NHSL1: variants seen among roughly 807,000 people sequenced by gnomAD.
NHSL1 encodes NHS like 1.
NHSL1 carries 48 observed loss-of-function variants against 95.0 expected under a neutral mutation model. That is an observed-to-expected ratio of 0.51 (90% CI 0.40 to 0.64). NHSL1 has a LOEUF of 0.64. NHSL1 is among the 30% of genes least tolerant of loss of function. The pLI is 0.00. For missense variants in NHSL1, 1,971 were observed against 2,077.7 expected (o/e 0.95, Z 1.00); for synonymous variants, 783 against 833.9 (o/e 0.94, Z 1.05).
At chr6:138,684,211 CAAAA>C (rs34122069) in intron 1 of NHSL1, among the ~76,000 whole-genome samples, 2 of 129,872 alleles carry the variant, frequency 1.5e-5, no homozygotes, top group Admixed American at 7.6e-5. Flanking sequence ...GACTCCCTCT[CAAAA>C]AAAAAAAAAA....
At chr6:138,594,458 T>G (rs1459049746) in intron 1 of NHSL1, among the ~76,000 whole-genome samples, 1 of 152,150 alleles carries the variant, frequency 6.6e-6, no homozygotes, top group Non-Finnish European at 1.5e-5. Context: ...TGACGTGACA[T>G]CGTTGAGTGT....
At chr6:138,578,740 G>C (rs796625427) in intron 1 of NHSL1, among the ~76,000 whole-genome samples, 6 of 151,930 alleles carry the variant, frequency 3.9e-5, no homozygotes, top group African/African-American at 1.4e-4. Context: ...AATCATAGGA[G>C]ATCTTATTGA....
intron 1 of NHSL1, chr6:138,571,415 T>C (rs1157988005): frequency 2.8e-6 from 1 of 350,958 alleles, no homozygotes; most frequent in African/African-American, 2.2e-5. Flanking sequence ...TGGTTTATCA[T>C]TGAACTTTTC....
Position 138,431,104 on chromosome 6 carries a change from C to T in NHSL1, c.3241G>A (p.Val1081Met), listed in dbSNP as rs3734305. Residue 1081 changes from valine to methionine, a missense_variant, in exon 6 of 8, where the codon GTG (valine) becomes ATG (methionine). Val to Met is a conservative substitution (Grantham distance 21). Transcript: ENST00000343505. The surrounding 1 kb of genome is among the most constrained non-coding windows in gnomAD (Gnocchi z 4.0). ...GCCTCAGCGCCTGAGTTCTTTCTCA[C>T]GGGCCTCAACTGCACCATCTGCAAT... ...EALQMVQLRP[V>M]RKNSGAEAAQ... 807 of 1,551,844 alleles carry T rather than the reference C, an allele frequency of 5.2e-4. 2 individuals carry two copies. In the East Asian group the frequency reaches 8.5e-3, roughly 16 times the overall value.
intron 7 of NHSL1, among the ~76,000 whole-genome samples, chr6:138,425,655 C>T (rs947461600): frequency 1.3e-5 from 2 of 152,106 alleles, no homozygotes; most frequent in Non-Finnish European, 2.9e-5. Context: ...ACATGCTGAC[C>T]CTCCTTTCTT....
intron 3 of NHSL1, among the ~76,000 whole-genome samples, chr6:138,450,449 G>A (rs1777155670): frequency 6.6e-6 from 1 of 152,212 alleles, no homozygotes; most frequent in Admixed American, 6.5e-5. Flanking sequence ...AGCTCTCTAT[G>A]CCCTGGAGCA....
intron 2 of NHSL1, among the ~76,000 whole-genome samples, chr6:138,492,272 G>T (rs189715754): frequency 1.1e-4 from 17 of 152,128 alleles, no homozygotes; most frequent in African/African-American, 4.1e-4. Context: ...GCTTTTCTTT[G>T]TTCTCTGACT....
chr6:138,559,458 G>T (rs373963107), intron 1 of NHSL1, among the ~76,000 whole-genome samples: 1 of 152,228 alleles, frequency 6.6e-6, no homozygotes, highest in East Asian at 1.9e-4. Context: ...GGGGAACTCA[G>T]AAAAGGACTT....
intron 1 of NHSL1, among the ~76,000 whole-genome samples, chr6:138,536,314 T>C (rs976749744): frequency 6.6e-6 from 1 of 152,132 alleles, no homozygotes; most frequent in Non-Finnish European, 1.5e-5. Flanking sequence ...GTAAGTCAAA[T>C]AACATACAAA....
intron 1 of NHSL1, among the ~76,000 whole-genome samples, chr6:138,504,745 G>C (rs1202272483): frequency 6.6e-6 from 1 of 152,220 alleles, no homozygotes; most frequent in Non-Finnish European, 1.5e-5. Flanking sequence ...CAAATGACAA[G>C]TAGGTTTGAA....
intron 1 of NHSL1, among the ~76,000 whole-genome samples, chr6:138,670,194 C>A (rs1370459569): frequency 6.6e-6 from 1 of 152,012 alleles, no homozygotes; most frequent in African/African-American, 2.4e-5. Context: ...CCACAACGCT[C>A]CCACCCAGCC....
At chr6:138,519,974 T>C (rs1781608500) in intron 1 of NHSL1, among the ~76,000 whole-genome samples, 1 of 152,222 alleles carries the variant, frequency 6.6e-6, no homozygotes, top group Non-Finnish European at 1.5e-5. Flanking sequence ...CTTTCCCAGC[T>C]GCCTTCAATC....
intron 1 of NHSL1, among the ~76,000 whole-genome samples, chr6:138,681,900 G>A (rs1253308671): frequency 6.6e-6 from 1 of 151,996 alleles, no homozygotes; most frequent in East Asian, 1.9e-4. Context: ...GGGAGTGCAG[G>A]GGAAGTAAAG....
At chr6:138,613,343 T>C (rs1784538773) in intron 1 of NHSL1, among the ~76,000 whole-genome samples, 1 of 152,184 alleles carries the variant, frequency 6.6e-6, no homozygotes, top group African/African-American at 2.4e-5. Context: ...GACGGATGTG[T>C]ATTAGAAGCA....
At chr6:138,590,279 T>C (rs60701729) in intron 1 of NHSL1, among the ~76,000 whole-genome samples, 4,311 of 152,316 alleles carry the variant, frequency 0.028, 197 homozygotes, top group African/African-American at 0.098. Context: ...ATTCCAGGCG[T>C]AAGCCACTGC....
At chr6:138,646,112 T>C (rs1453815280) in intron 1 of NHSL1, among the ~76,000 whole-genome samples, 2 of 152,204 alleles carry the variant, frequency 1.3e-5, no homozygotes, top group African/African-American at 2.4e-5. Flanking sequence ...AGGAATACAA[T>C]AGCCTTTCCA....
At chr6:138,502,673 T>C (rs1780749593), upstream of NHSL1, among the ~76,000 whole-genome samples, 3 of 152,100 alleles carry the variant, frequency 2.0e-5, no homozygotes, top group South Asian at 4.1e-4. Flanking sequence ...TAATGCATAA[T>C]AGCGAAAAGC....
At chr6:138,444,577 A>ATTTTTTTTTTT (rs536970644) in intron 4 of NHSL1, among the ~76,000 whole-genome samples, 1 of 139,700 alleles carries the variant, frequency 7.2e-6, no homozygotes, top group Non-Finnish European at 1.6e-5. Context: ...TGAAATCGCC[A>ATTTTTTTTTTT]TTTTTTTTTT....
At chr6:138,626,248 T>G (rs559748285) in intron 1 of NHSL1, among the ~76,000 whole-genome samples, 2 of 152,228 alleles carry the variant, frequency 1.3e-5, no homozygotes, top group African/African-American at 2.4e-5. Flanking sequence ...GTCCACTTGC[T>G]TGAATTCTAA....
Sources: gnomAD v4.1 joint callset for allele counts (sites outside exome capture counted in the v4.1 genomes callset) on GRCh38, gnomAD v4.1.1 for gene constraint, Gnocchi (gnomAD v3.1) non-coding constraint, MANE v1.5 for transcripts, NCBI Gene and HGNC (gene_info 2026-07-23, HGNC 2026-07-21) for gene names.